The following ATP6V0A1 variants were observed in gnomAD, a reference collection of about 807,000 sequenced individuals.
ATP6V0A1 encodes ATPase H+ transporting V0 subunit a1.
In ATP6V0A1, 43 loss-of-function variants were observed where a neutral mutation model predicts 105.4. The ratio of observed to expected loss-of-function variants is 0.41; its 90% CI spans 0.32 to 0.53. The LOEUF (loss-of-function observed/expected upper bound fraction) is 0.53. ATP6V0A1 is among the 20% of genes least tolerant of loss of function. The pLI, the probability that ATP6V0A1 is intolerant of heterozygous loss-of-function variation, is 0.30. For synonymous variants in ATP6V0A1, 362 were observed against 372.8 expected, an observed-to-expected ratio of 0.97 and a Z score of 0.33; for missense variants, 676 against 1,051.1, an observed-to-expected ratio of 0.64 and a Z score of 4.93.
intron 5 of ATP6V0A1, among the ~76,000 whole-genome samples, chr17:42,475,441 T>C (rs1470140161): frequency 3.3e-5 from 5 of 152,248 alleles, no homozygotes; most frequent in Admixed American, 6.5e-5. Context: ...GTCCAGCCCA[T>C]GGCCTTCAGG....
At chr17:42,489,052 T>G (rs1598888443) in intron 10 of ATP6V0A1, among the ~76,000 whole-genome samples, 2 of 148,540 alleles carry the variant, frequency 1.3e-5, no homozygotes, top group Admixed American at 1.3e-4. Context: ...GCCTGGTGGA[T>G]CAAAGCAGTT....
intron 7 of ATP6V0A1, 112 bp from the exon 8 acceptor site, chr17:42,480,555 A>G (rs895341559): frequency 2.2e-5 from 20 of 907,500 alleles, no homozygotes; most frequent in Non-Finnish European, 3.1e-5. Context: ...CAGGACTGCC[A>G]TGTCCTTAAA....
chr17:42,501,334 T>C (rs1290903928), intron 17 of ATP6V0A1, 30 bp downstream of exon 17: 1 of 1,522,000 alleles, frequency 6.6e-7, no homozygotes, highest in African/African-American at 1.4e-5. Flanking sequence ...TAAAAGTTAC[T>C]AGACTTTTGT....
At chr17:42,504,885 G>T (rs1200577704) in intron 17 of ATP6V0A1, among the ~76,000 whole-genome samples, 2 of 152,192 alleles carry the variant, frequency 1.3e-5, no homozygotes. Flanking sequence ...ATATCTGCCT[G>T]TCTTCTATTG....
At chr17:42,488,985 A>G (rs138080561) in intron 10 of ATP6V0A1, among the ~76,000 whole-genome samples, 10,334 of 123,464 alleles carry the variant, frequency 0.084, 440 homozygotes, top group East Asian at 0.18. Flanking sequence ...ACTGCACTCC[A>G]GCCTGGACAG....
intron 9 of ATP6V0A1, among the ~76,000 whole-genome samples, chr17:42,484,372 A>G (rs578176723): frequency 1.3e-5 from 2 of 152,176 alleles, no homozygotes; most frequent in South Asian, 2.1e-4. Context: ...TTTTTATGAT[A>G]ATAATTTTTT....
chr17:42,498,276 G>C (rs1387439394), intron 14 of ATP6V0A1, among the ~76,000 whole-genome samples: 2 of 152,068 alleles, frequency 1.3e-5, no homozygotes, highest in African/African-American at 4.8e-5. Context: ...TTTCCTTTTA[G>C]ACATCCACAC....
At chr17:42,475,605 A>C (rs986377423) in intron 5 of ATP6V0A1, among the ~76,000 whole-genome samples, 1 of 152,140 alleles carries the variant, frequency 6.6e-6, no homozygotes, top group African/African-American at 2.4e-5. Flanking sequence ...AATGTGGCCC[A>C]GGGAAGCCAA....
At position 42,462,456 on chromosome 17, in the gene ATP6V0A1, G is replaced by T. The variant is rs149758680; in HGVS notation, c.117+1445G>T. Among the ~76,000 whole-genome samples, 1,037 of 152,134 alleles carry T rather than the reference G, an allele frequency of 6.8e-3. 7 individuals carry two copies. Among genetic ancestry groups the T allele is most frequent in the African/African-American group, 0.023 (963 of 41,498 alleles). The stretch of plus-strand genomic sequence containing the variant: ...TTCTTTTTGAGACAGAGTCCACTCT[G>T]TCGCCCAGGCTGGAGTGCAGTGGTG... On this transcript the variant is annotated intron_variant, in intron 2 of 21. Transcript: ENST00000343619.
At chr17:42,489,544 T>C (rs2090436904) in intron 10 of ATP6V0A1, among the ~76,000 whole-genome samples, 1 of 151,924 alleles carries the variant, frequency 6.6e-6, no homozygotes, top group Admixed American at 6.6e-5. Context: ...AAATGATGAA[T>C]TGTGAGATGT....
intron 2 of ATP6V0A1, among the ~76,000 whole-genome samples, 165 bp downstream of exon 2, chr17:42,461,176 A>C (rs1448187752): frequency 1.3e-5 from 2 of 152,158 alleles, no homozygotes; most frequent in Non-Finnish European, 2.9e-5. Flanking sequence ...AAAGGTGAGA[A>C]TGTTTTGTGC....
Position 42,495,716 on chromosome 17 carries a change from A to T in ATP6V0A1, c.1560A>T (p.Pro520=), listed in dbSNP as rs1331397884. ...GACCATACCCTTTTGGCATTGATCC[A>T]GTAAGAGGACTTCCTTCCTATATGC... ...FGGPYPFGID[P]IWNIATNKLT... is the part of the protein sequence containing the mutation. Residue 520 remains proline (P), a splice_region_variant and synonymous_variant, in exon 14 of 22, where the codon CCA becomes CCT. Coordinates refer to ENST00000343619, the MANE Select transcript of ATP6V0A1 (RefSeq NM_001130021.3). 1.8e-5 allele frequency: 29 copies of T among 1,611,070 alleles called. No homozygotes were observed. The East Asian group carries it at 6.2e-4, about 35-fold the overall frequency.
At chr17:42,506,433 A>T (rs2092028750) in intron 17 of ATP6V0A1, among the ~76,000 whole-genome samples, 1 of 152,224 alleles carries the variant, frequency 6.6e-6, no homozygotes, top group East Asian at 1.9e-4. Flanking sequence ...TTAAACTGTG[A>T]TGAGAGCTGT....
Position 42,478,682 on chromosome 17 carries a change from C to T in ATP6V0A1, c.633+93C>T, listed in dbSNP as rs2089088850. 4 of 1,309,616 alleles carry T rather than the reference C, an allele frequency of 3.1e-6. No individual in the cohort carries two copies. In the African/African-American group the frequency reaches 4.5e-5, roughly 15 times the overall value. The allele number at this position is 1,309,616 out of a possible 1,614,324, so 81.1% of individuals were successfully genotyped here. ...TGGGGCCACCTGAATCCAGTGCTTC[C>T]ACAGAGGAGCCATTATCTTTATCTC... On this transcript the variant is annotated intron_variant, in intron 7 of 21. Coordinates refer to ENST00000343619, the MANE Select transcript of ATP6V0A1 (RefSeq NM_001130021.3).
intron 10 of ATP6V0A1, 56 bp downstream of exon 10, chr17:42,487,423 A>G (rs534393514): frequency 2.3e-5 from 36 of 1,567,072 alleles, no homozygotes; most frequent in South Asian, 2.2e-4. Context: ...GTTCCCATCA[A>G]TAGTAACATT....
chr17:42,501,405 T>C, intron 17 of ATP6V0A1, 101 bp downstream of exon 17: 1 of 790,426 alleles, frequency 1.3e-6, no homozygotes, highest in Non-Finnish European at 1.9e-6. Flanking sequence ...AATCTATATA[T>C]TCTTTTTCTT....
chr17:42,461,856 A>G (rs1458562818), intron 2 of ATP6V0A1, among the ~76,000 whole-genome samples: 1 of 151,890 alleles, frequency 6.6e-6, no homozygotes, highest in Admixed American at 6.6e-5. Flanking sequence ...CTTAACATCT[A>G]TTGGCTCTAT....
chr17:42,471,421 CA>C (rs543931458), intron 5 of ATP6V0A1: 10,491 of 88,246 alleles, frequency 0.12, 406 homozygotes, highest in East Asian at 0.21. Flanking sequence ...GACTCTGTCT[CA>C]AAAAAAAAAA....
intron 7 of ATP6V0A1, chr17:42,480,337 C>G (rs984007586): frequency 5.4e-5 from 9 of 165,304 alleles, no homozygotes; most frequent in African/African-American, 2.1e-4. Context: ...TCTTTTCTCT[C>G]CTATACTTTC....
Sources: allele counts gnomAD v4.1 joint callset (sites outside exome capture counted in the v4.1 genomes callset), GRCh38; gene constraint gnomAD v4.1.1; transcripts MANE v1.5; gene names NCBI Gene and HGNC (gene_info 2026-07-23, HGNC 2026-07-21).